The following FMN1 variants were observed in gnomAD, a reference collection of about 807,000 sequenced individuals.
FMN1 encodes formin-1.
Under a neutral mutation model 132.4 loss-of-function variants are expected in FMN1, and 110 were observed. That is an observed-to-expected ratio of 0.83 (90% confidence interval 0.71 to 0.97). The LOEUF is 0.97. Among genes scored for constraint, FMN1 ranks in the 50% least tolerant of loss-of-function variants. FMN1 has a pLI of 0.00. For synonymous variants in FMN1, 722 were observed against 651.7 expected, an observed-to-expected ratio of 1.11 and a Z score of -1.64; for missense variants, 1,792 against 1,705.3, an observed-to-expected ratio of 1.05 and a Z score of -0.90.
intron 5 of FMN1, among the ~76,000 whole-genome samples, chr15:33,082,092 AATGTGTGTGTGTGTGTGTGT>A (rs1207400474): frequency 5.7e-5 from 5 of 87,920 alleles, no homozygotes; most frequent in African/African-American, 7.8e-5. Flanking sequence ...GCTGGAAAAC[AATGTGTGTGTGTGTGTGTGT>A]GTGTGTGTGT....
intron 16 of FMN1, among the ~76,000 whole-genome samples, chr15:32,870,913 T>TGTATTC (rs1239941772): frequency 6.6e-6 from 1 of 152,142 alleles, no homozygotes. Flanking sequence ...AAGAAAACAT[T>TGTATTC]GTCAAGAATA....
chr15:33,109,987 T>C (rs551585148), intron 4 of FMN1, among the ~76,000 whole-genome samples: 1 of 152,078 alleles, frequency 6.6e-6, no homozygotes, highest in African/African-American at 2.4e-5. Flanking sequence ...CAAGTTCCCA[T>C]TAAATATTTA....
intron 5 of FMN1, among the ~76,000 whole-genome samples, chr15:33,087,163 C>A (rs1187411394): frequency 6.6e-6 from 1 of 152,198 alleles, no homozygotes; most frequent in Non-Finnish European, 1.5e-5. Flanking sequence ...CCTACCAGGC[C>A]ATCTAAATGT....
intron 6 of FMN1, chr15:33,064,260 G>A (rs1177309081): frequency 1.3e-5 from 2 of 152,180 alleles, no homozygotes; most frequent in African/African-American, 4.8e-5. Flanking sequence ...CAGGAAGAAG[G>A]CAGAGAGGTT....
chr15:32,835,971 C>T (rs1487359690), intron 17 of FMN1, among the ~76,000 whole-genome samples: 1 of 152,046 alleles, frequency 6.6e-6, no homozygotes, highest in Non-Finnish European at 1.5e-5. Flanking sequence ...AGTGTTCCTC[C>T]CACCTCAGCC....
intron 4 of FMN1, among the ~76,000 whole-genome samples, chr15:33,139,155 A>C (rs2140246142): frequency 6.6e-6 from 1 of 152,346 alleles, no homozygotes; most frequent in East Asian, 1.9e-4. Flanking sequence ...ATCCATATTG[A>C]CTATGAGTCT....
chr15:32,948,295 T>G (rs1487994945), intron 9 of FMN1, among the ~76,000 whole-genome samples: 1 of 152,002 alleles, frequency 6.6e-6, no homozygotes, highest in East Asian at 1.9e-4. Flanking sequence ...ATCAAACATT[T>G]TTTTATATAT....
intron 9 of FMN1, among the ~76,000 whole-genome samples, chr15:32,929,340 G>A (rs138613288): frequency 2.2e-4 from 33 of 152,282 alleles, no homozygotes; most frequent in African/African-American, 7.2e-4. Flanking sequence ...GACACAATGC[G>A]CACAGAATGA....
At position 32,876,064 on chromosome 15, in the gene FMN1, C is replaced by A. The variant is rs550988557; in HGVS notation, c.3835+12108G>T. ...AATTACAAGAGTACCTTTAAAAAACCAAAAAAACAGGAAATATCAAGGATA... is the reference window on the plus strand; with the variant it reads ...AATTACAAGAGTACCTTTAAAAAACAAAAAAAACAGGAAATATCAAGGATA... On this transcript the variant is annotated intron_variant, in intron 16 of 20. Coordinates refer to ENST00000616417, the MANE Select transcript of FMN1 (RefSeq NM_001277313.2). Among the ~76,000 whole-genome samples the A allele has an allele frequency of 7.2e-5, 11 of 151,938 alleles. No homozygotes were observed. The South Asian group carries it at 2.3e-3, about 32-fold the overall frequency.
At chr15:33,189,764 A>G (rs1966010541) in intron 2 of FMN1, among the ~76,000 whole-genome samples, 1 of 152,236 alleles carries the variant, frequency 6.6e-6, no homozygotes, top group Non-Finnish European at 1.5e-5. Context: ...AGCAGATTAC[A>G]TAACCAAAGA....
chr15:32,860,409 T>C (rs956174752), intron 16 of FMN1, among the ~76,000 whole-genome samples: 1 of 152,180 alleles, frequency 6.6e-6, no homozygotes, highest in African/African-American at 2.4e-5. Flanking sequence ...TACCAGCACT[T>C]TGGGAGGCCA....
intron 16 of FMN1, among the ~76,000 whole-genome samples, chr15:32,875,770 C>T (rs2059621998): frequency 1.3e-5 from 2 of 152,174 alleles, no homozygotes; most frequent in Admixed American, 6.5e-5. Context: ...CAAAGATATA[C>T]AACTTACTTA....
chr15:32,919,173 T>C (rs1389645134), intron 10 of FMN1, among the ~76,000 whole-genome samples: 1 of 152,068 alleles, frequency 6.6e-6, no homozygotes, highest in Non-Finnish European at 1.5e-5. Flanking sequence ...GGGTATTAAA[T>C]GAAGTTTTCT....
intron 19 of FMN1, among the ~76,000 whole-genome samples, chr15:32,794,983 C>A (rs2057231966): frequency 6.6e-6 from 1 of 152,044 alleles, no homozygotes; most frequent in South Asian, 2.1e-4. Flanking sequence ...ATTGTTTGAG[C>A]CCAGGAGTTT....
At chr15:32,835,377 C>T (rs1334482499) in intron 17 of FMN1, among the ~76,000 whole-genome samples, 2 of 152,158 alleles carry the variant, frequency 1.3e-5, no homozygotes, top group Admixed American at 1.3e-4. Flanking sequence ...CTTTTTCTTC[C>T]TGGCTTAGAC....
chr15:32,933,448 A>G (rs2061174640), intron 9 of FMN1, among the ~76,000 whole-genome samples: 1 of 151,910 alleles, frequency 6.6e-6, no homozygotes, highest in Non-Finnish European at 1.5e-5. Context: ...TCAAAACCCA[A>G]TTCCTGTTGG....
chr15:33,102,758 A>C (rs1374618816), intron 4 of FMN1, among the ~76,000 whole-genome samples: 1 of 152,174 alleles, frequency 6.6e-6, no homozygotes, highest in Non-Finnish European at 1.5e-5. Context: ...CAGATTATGG[A>C]AACATTGACT....
At chr15:32,967,540 T>C (rs1344096991) in intron 8 of FMN1, among the ~76,000 whole-genome samples, 1 of 152,220 alleles carries the variant, frequency 6.6e-6, no homozygotes, top group African/African-American at 2.4e-5. Flanking sequence ...ACTAGTACTT[T>C]AGTTAATGGC....
intron 6 of FMN1, among the ~76,000 whole-genome samples, chr15:33,041,141 GAA>G (rs34385804): frequency 3.4e-5 from 5 of 149,086 alleles, no homozygotes; most frequent in Middle Eastern, 3.4e-3. Flanking sequence ...TAAACAGATT[GAA>G]AAAAAAAAAT....
Sources: allele counts gnomAD v4.1 joint callset (sites outside exome capture counted in the v4.1 genomes callset), GRCh38; gene constraint gnomAD v4.1.1; transcripts MANE v1.5; gene names NCBI Gene and HGNC (gene_info 2026-07-23, HGNC 2026-07-21).